Variants in CCDC34 observed in about 807,000 individuals in gnomAD.
CCDC34 encodes coiled-coil domain containing 34.
CCDC34 carries 40 observed loss-of-function variants against 44.1 expected under a neutral mutation model. The observed-to-expected ratio is 0.91, with a 90% confidence interval of 0.70 to 1.18. The LOEUF (loss-of-function observed/expected upper bound fraction) is 1.18. Ranked by LOEUF, CCDC34 falls within the 50% of genes most tolerant of loss-of-function variation. The probability of loss-of-function intolerance (pLI) is 0.00; values close to 1 mark genes in which losing one functional copy is unlikely to be tolerated. For missense variants in CCDC34, 466 were observed against 452.3 expected (o/e 1.03, Z -0.28); for synonymous variants, 159 against 158.2 (o/e 1.01, Z -0.04).
At chr11:27,344,413 C>A (rs976357885) in intron 3 of CCDC34, among the ~76,000 whole-genome samples, 1 of 151,914 alleles carries the variant, frequency 6.6e-6, no homozygotes, top group Non-Finnish European at 1.5e-5. Flanking sequence ...AACATGTATG[C>A]TATATATTAT....
At chr11:27,357,286 T>A (rs1304350287) in intron 2 of CCDC34, 117 bp downstream of exon 2, 1 of 951,288 alleles carries the variant, frequency 1.1e-6, no homozygotes. Context: ...TATAGTAAAC[T>A]AACATAAATG....
intron 3 of CCDC34, chr11:27,349,515 T>C: frequency 1.1e-6 from 1 of 914,372 alleles, no homozygotes; most frequent in South Asian, 5.0e-5. Flanking sequence ...TTTAAAATAT[T>C]GTCCTACAAT....
intron 2 of CCDC34, among the ~76,000 whole-genome samples, chr11:27,354,197 C>T (rs1479099530): frequency 6.6e-6 from 1 of 152,178 alleles, no homozygotes; most frequent in East Asian, 1.9e-4. Context: ...AACTGAATCA[C>T]TTCAGAGTTG....
intron 1 of CCDC34, among the ~76,000 whole-genome samples, chr11:27,360,986 G>A (rs1471904618): frequency 6.6e-6 from 1 of 152,226 alleles, no homozygotes; most frequent in African/African-American, 2.4e-5. Flanking sequence ...CTGAAAGGAA[G>A]TGCTAAGTTT....
Position 27,341,473 on chromosome 11 carries a change from C to A in CCDC34, c.684G>T (p.Leu228Phe), listed in dbSNP as rs1385931388. 1.4e-6 allele frequency: 2 copies of A among 1,452,100 alleles called. No homozygotes were observed. Among genetic ancestry groups the A allele is most frequent in the Non-Finnish European group, 1.9e-6 (2 of 1,072,894 alleles). 90.0% of individuals were successfully genotyped at this position (1,452,100 alleles called of 1,614,324 possible). Residue 228 changes from leucine to phenylalanine, a missense_variant, in exon 4 of 6, where the codon TTG becomes TTT. Transcript: ENST00000328697. ...GATATTTTTCTTTTGCTTTTTCTTG[C>A]AAGTATTCTTTCTCCAGTTCCTTTG... ...KAAKELEKEY[L>F]QEKAKEKYQE...
At chr11:27,350,471 T>C in intron 2 of CCDC34, 32 bp from the exon 3 acceptor site, 1 of 1,541,864 alleles carries the variant, frequency 6.5e-7, no homozygotes, top group East Asian at 2.3e-5. Context: ...AAGGCAACAT[T>C]TAATAGAAGT....
At chr11:27,354,865 C>T (rs954543137) in intron 2 of CCDC34, among the ~76,000 whole-genome samples, 5 of 152,036 alleles carry the variant, frequency 3.3e-5, no homozygotes, top group African/African-American at 4.8e-5. Flanking sequence ...TCTCAAAAAA[C>T]GAAAACAAAA....
intron 1 of CCDC34, among the ~76,000 whole-genome samples, chr11:27,360,762 C>T (rs1017620069): frequency 6.6e-6 from 1 of 152,210 alleles, no homozygotes; most frequent in Admixed American, 6.5e-5. Context: ...ATTCTGAAAA[C>T]ATACTGATTG....
chr11:27,362,831 T>C lies in CCDC34; in HGVS notation c.359+5A>G. 1 of 1,612,128 alleles carries C rather than the reference T, an allele frequency of 6.2e-7. No individual in the cohort carries two copies. Among genetic ancestry groups the C allele is most frequent in the Non-Finnish European group, 8.5e-7 (1 of 1,178,614 alleles). ...GCTGAATCGGCCGGGCGGCCTCGGG[T>C]TTACCTGGCGCACCCCTGTAACTCC... On this transcript the variant is annotated splice_donor_5th_base_variant and intron_variant, in intron 1 of 5. Coordinates refer to ENST00000328697, the MANE Select transcript of CCDC34 (RefSeq NM_030771.2).
chr11:27,352,318 G>C (rs961019198), intron 2 of CCDC34, among the ~76,000 whole-genome samples: 1 of 151,996 alleles, frequency 6.6e-6, no homozygotes, highest in Non-Finnish European at 1.5e-5. Context: ...GGGAGGCAGA[G>C]GTTTCAGTGA....
chr11:27,349,744 A>C lies in CCDC34; in HGVS notation c.606+588T>G. Reference sequence around the variant, plus strand: ...TCAATTAAACTATTTTTGGACATATATCATGCGCAGGTATTCATCTAGCTC... The same window carrying C: ...TCAATTAAACTATTTTTGGACATATCTCATGCGCAGGTATTCATCTAGCTC... On this transcript the variant is annotated intron_variant, in intron 3 of 5. Coordinates refer to ENST00000328697, the MANE Select transcript of CCDC34 (RefSeq NM_030771.2). The C allele has an allele frequency of 3.1e-6, 3 of 962,576 alleles. No individual in the cohort carries two copies. In the South Asian group the frequency reaches 1.4e-4, roughly 46 times the overall value. 59.6% of individuals were successfully genotyped at this position (962,576 alleles called of 1,614,324 possible).
At chr11:27,342,693 C>A (rs1477325053) in intron 3 of CCDC34, among the ~76,000 whole-genome samples, 1 of 152,160 alleles carries the variant, frequency 6.6e-6, no homozygotes, top group Non-Finnish European at 1.5e-5. Context: ...ACTACGACAG[C>A]AAAGCTGAAT....
At chr11:27,353,646 C>G (rs929255598) in intron 2 of CCDC34, among the ~76,000 whole-genome samples, 2 of 151,604 alleles carry the variant, frequency 1.3e-5, no homozygotes, top group African/African-American at 4.8e-5. Context: ...TAACTTAGTC[C>G]CACAGAGATG....
rs148972772 is a variant in CCDC34 at position 27,362,672 on chromosome 11, A to C, written c.359+164T>G. Among the ~76,000 whole-genome samples the C allele has an allele frequency of 9.6e-3, 1,438 of 150,158 alleles. 10 individuals are homozygous for C. Among genetic ancestry groups the C allele is most frequent in the Non-Finnish European group, 0.015 (1,023 of 67,384 alleles). On this transcript the variant is annotated intron_variant, in intron 1 of 5. Coordinates refer to ENST00000328697, the MANE Select transcript of CCDC34 (RefSeq NM_030771.2). Reference sequence around the variant, plus strand: ...AGGAAATCTATGGTCATTTGCAAGAATTTGCACAGGGCTCTTTATGTGCAA... The same window carrying C: ...AGGAAATCTATGGTCATTTGCAAGACTTTGCACAGGGCTCTTTATGTGCAA...
intron 3 of CCDC34, among the ~76,000 whole-genome samples, chr11:27,344,332 T>C (rs1456025984): frequency 6.6e-6 from 1 of 152,110 alleles, no homozygotes; most frequent in Non-Finnish European, 1.5e-5. Context: ...ATATATATGT[T>C]ATAAACATAT....
chr11:27,357,270 A>G (rs1862591603), intron 2 of CCDC34, 133 bp downstream of exon 2: 1 of 764,038 alleles, frequency 1.3e-6, no homozygotes, highest in Non-Finnish European at 2.0e-6. Flanking sequence ...TAGTTATTAA[A>G]TTTGATATAG....
chr11:27,338,756 A>G lies in CCDC34; in HGVS notation c.*65T>C. ...AGTGTTGAGTTATTGACTGAGCAGT[A>G]AAAAACAATTTCTGATTTTTAAATT... On this transcript the variant is annotated 3_prime_UTR_variant, in exon 6 of 6. Transcript: ENST00000328697. The G allele has an allele frequency of 7.2e-7, 1 of 1,393,614 alleles. No individual in the cohort carries two copies. The highest frequency in any genetic ancestry group is 1.0e-6 in the Non-Finnish European group (1 of 994,962). 86.3% of individuals were successfully genotyped at this position (1,393,614 alleles called of 1,614,324 possible). A position where few individuals can be genotyped will look rare whatever the true frequency, so the allele number is the denominator to read the frequency against.
chr11:27,362,301 G>A (rs1862676431), intron 1 of CCDC34, among the ~76,000 whole-genome samples: 1 of 152,196 alleles, frequency 6.6e-6, no homozygotes, highest in South Asian at 2.1e-4. Context: ...CTCTGTGCAT[G>A]CTCAGATCCT....
At chr11:27,351,386 A>G (rs1862501725) in intron 2 of CCDC34, among the ~76,000 whole-genome samples, 2 of 152,166 alleles carry the variant, frequency 1.3e-5, no homozygotes, top group Admixed American at 6.5e-5. Flanking sequence ...GACACCAAGA[A>G]CATCTCTTTT....
Sources: gnomAD v4.1 joint callset for allele counts (sites outside exome capture counted in the v4.1 genomes callset) on GRCh38, gnomAD v4.1.1 for gene constraint, MANE v1.5 for transcripts, NCBI Gene and HGNC (gene_info 2026-07-23, HGNC 2026-07-21) for gene names.